INTS15: variants seen among roughly 807,000 people sequenced by gnomAD.
The protein encoded by INTS15 is uncharacterized protein C7orf26.
chr7:6,599,983 C>G, the INTS15 span: 1 of 1,614,250 alleles, frequency 6.2e-7, no homozygotes, highest in Non-Finnish European at 8.5e-7. Flanking sequence ...GATTGATCCG[C>G]TGGTGCGTGA....
chr7:6,590,508 C>T, the INTS15 span: 3 of 1,514,298 alleles, frequency 2.0e-6, no homozygotes, highest in Admixed American at 2.1e-5. Flanking sequence ...TCCCGGGCCC[C>T]GCAGGCGGGC....
At chr7:6,595,423 T>A in the INTS15 span, among the ~76,000 whole-genome samples, 1 of 152,154 alleles carries the variant, frequency 6.6e-6, no homozygotes, top group African/African-American at 2.4e-5. Flanking sequence ...CTCGGCCTCC[T>A]AAAGTGTCGG....
At chr7:6,608,254 G>T in the INTS15 span, 1 of 1,495,260 alleles carries the variant, frequency 6.7e-7, no homozygotes, top group Non-Finnish European at 8.9e-7. Context: ...CTCGGGGAAG[G>T]GGTCGGGCAG....
At chr7:6,591,870 A>G in the INTS15 span, 1 of 1,613,402 alleles carries the variant, frequency 6.2e-7, no homozygotes, top group Non-Finnish European at 8.5e-7. Context: ...GGCTTCAGGT[A>G]CTGCTCAAGA....
chr7:6,607,457 G>A, the INTS15 span: 9 of 1,095,492 alleles, frequency 8.2e-6, no homozygotes, highest in African/African-American at 1.6e-5. The surrounding 1 kb of genome is among the most constrained non-coding windows in gnomAD (Gnocchi z 6.0). Flanking sequence ...GAGGTGGGTG[G>A]GTCCCGGAGG....
chr7:6,595,693 T>A, the INTS15 span, among the ~76,000 whole-genome samples: 1 of 152,116 alleles, frequency 6.6e-6, no homozygotes, highest in Non-Finnish European at 1.5e-5. Flanking sequence ...TTTTTACTTT[T>A]TTGGATATAG....
the INTS15 span, among the ~76,000 whole-genome samples, chr7:6,603,372 AC>A: frequency 6.6e-6 from 1 of 151,722 alleles, no homozygotes; most frequent in Non-Finnish European, 1.5e-5. Context: ...ACATGGTGAA[AC>A]CCCATCTCTA....
chr7:6,608,123 A>T, the INTS15 span: 1 of 1,531,098 alleles, frequency 6.5e-7, no homozygotes, highest in Admixed American at 2.1e-5. Context: ...CCACACCTTC[A>T]TCTCCGGCGT....
At chr7:6,608,127 C>T in the INTS15 span, 1 of 1,415,012 alleles carries the variant, frequency 7.1e-7, no homozygotes, top group Non-Finnish European at 9.5e-7. Flanking sequence ...ACCTTCATCT[C>T]CGGCGTGACC....
the INTS15 span, chr7:6,590,093 C>G: frequency 8.1e-6 from 3 of 368,812 alleles, no homozygotes; most frequent in Non-Finnish European, 1.4e-5. Context: ...GACCTTCGGG[C>G]GCCTGCTGGC....
the INTS15 span, among the ~76,000 whole-genome samples, chr7:6,593,790 C>G: frequency 6.6e-6 from 1 of 151,518 alleles, no homozygotes; most frequent in African/African-American, 2.4e-5. Flanking sequence ...GCTGGGACTA[C>G]AGGTATGTGC....
chr7:6,607,077 G>T, the INTS15 span, among the ~76,000 whole-genome samples: 2 of 151,980 alleles, frequency 1.3e-5, no homozygotes, highest in Non-Finnish European at 2.9e-5. This position sits in a 1 kb window ranked among gnomAD's most constrained non-coding sequence, Gnocchi z 6.0. Context: ...CCCTCGCCTC[G>T]GCTGGGGGAG....
At chr7:6,596,787 GTTGT>G in the INTS15 span, among the ~76,000 whole-genome samples, 2 of 149,194 alleles carry the variant, frequency 1.3e-5, no homozygotes, top group South Asian at 2.1e-4. Flanking sequence ...TTTCTTTCTT[GTTGT>G]TTGTTTTTGG....
chr7:6,602,453 C>A, the INTS15 span, among the ~76,000 whole-genome samples: 4 of 152,244 alleles, frequency 2.6e-5, no homozygotes, highest in Non-Finnish European at 4.4e-5. Flanking sequence ...ACTGCACAGC[C>A]CTTTGGGAAG....
chr7:6,594,655 T>C, the INTS15 span: 8 of 1,542,180 alleles, frequency 5.2e-6, no homozygotes, highest in South Asian at 2.3e-5. Flanking sequence ...TGGCTAGTTT[T>C]ATTTTCCACT....
chr7:6,591,649 C>G, the INTS15 span: 4 of 1,613,762 alleles, frequency 2.5e-6, no homozygotes, highest in South Asian at 1.1e-5. Context: ...TTTGCAGAGA[C>G]TGAATTCCCT....
At chr7:6,595,179 A>G in the INTS15 span, among the ~76,000 whole-genome samples, 2 of 152,204 alleles carry the variant, frequency 1.3e-5, no homozygotes, top group Admixed American at 6.5e-5. Context: ...CTACAGGTGC[A>G]TGCCACCACG....
the INTS15 span, among the ~76,000 whole-genome samples, chr7:6,604,640 G>A: frequency 1.5e-3 from 230 of 152,294 alleles, 1 homozygote; most frequent in Middle Eastern, 6.8e-3. Context: ...CCCAGTGGCC[G>A]TGTCAGGTCC....
At chr7:6,602,040 G>A in the INTS15 span, 28 of 1,428,810 alleles carry the variant, frequency 2.0e-5, no homozygotes, top group Non-Finnish European at 2.8e-5. Context: ...AAGAACGTCA[G>A]TGTGTATTTC....
Sources: gnomAD v4.1 joint callset for allele counts (sites outside exome capture counted in the v4.1 genomes callset) on GRCh38, gnomAD v4.1.1 for gene constraint, Gnocchi (gnomAD v3.1) non-coding constraint, MANE v1.5 for transcripts, NCBI Gene and HGNC (gene_info 2026-07-23, HGNC 2026-07-21) for gene names.